Variants in HDAC9 observed in about 807,000 individuals in gnomAD.
The protein encoded by HDAC9 is MEF-2 interacting transcription repressor (MITR) protein.
HDAC9 carries 41 observed loss-of-function variants against 139.4 expected under a neutral mutation model. The observed-to-expected ratio is 0.29, with a 90% CI of 0.23 to 0.38. HDAC9 has a LOEUF of 0.38. HDAC9 is among the 10% of genes least tolerant of loss of function. The probability of loss-of-function intolerance (pLI) is 1.00; values close to 1 mark genes in which losing one functional copy is unlikely to be tolerated. For synonymous variants in HDAC9, 517 were observed against 476.2 expected (o/e 1.09, Z -1.12); for missense variants, 1,147 against 1,297.0 (o/e 0.88, Z 1.78).
intron 13 of HDAC9, 51 bp downstream of exon 13, chr7:18,727,808 TTGTAGGATTAACC>T: frequency 7.5e-7 from 1 of 1,339,360 alleles, no homozygotes; most frequent in African/African-American, 1.5e-5. Context: ...TGCCCCGTTC[TTGTAGGATTAACC>T]GATTTAAATG....
chr7:18,251,530 GA>G (rs1732633173), intron 2 of HDAC9, among the ~76,000 whole-genome samples: 2 of 152,028 alleles, frequency 1.3e-5, no homozygotes, highest in African/African-American at 2.4e-5. Context: ...AATATTGAAG[GA>G]AAAAAATACA....
chr7:18,677,845 G>A (rs1781621606), intron 12 of HDAC9, among the ~76,000 whole-genome samples: 1 of 151,852 alleles, frequency 6.6e-6, no homozygotes, highest in African/African-American at 2.4e-5. Context: ...ACTAACACTA[G>A]CACTTGATGT....
intron 12 of HDAC9, among the ~76,000 whole-genome samples, chr7:18,691,135 AATT>A (rs1411273304): frequency 3.9e-5 from 6 of 152,042 alleles, no homozygotes; most frequent in African/African-American, 1.4e-4. Flanking sequence ...AAACCCATCT[AATT>A]AATGATGAAG....
At chr7:18,158,212 A>C (rs1312051082) in intron 1 of HDAC9, among the ~76,000 whole-genome samples, 1 of 152,204 alleles carries the variant, frequency 6.6e-6, no homozygotes, top group Admixed American at 6.5e-5. Flanking sequence ...TAATAAGCTC[A>C]GAGTATAGTT....
At chr7:18,673,480 C>T (rs1795779568) in intron 12 of HDAC9, among the ~76,000 whole-genome samples, 1 of 151,846 alleles carries the variant, frequency 6.6e-6, no homozygotes, top group Non-Finnish European at 1.5e-5. Context: ...AGATATAGTA[C>T]AAAAAGTTTA....
chr7:18,933,946 G>T (rs1781438337), intron 22 of HDAC9, among the ~76,000 whole-genome samples: 1 of 152,064 alleles, frequency 6.6e-6, no homozygotes, highest in African/African-American at 2.4e-5. Context: ...CTGGAAGACA[G>T]CTCTGATTCA....
intron 22 of HDAC9, among the ~76,000 whole-genome samples, chr7:18,928,221 T>A (rs747954296): frequency 1.3e-5 from 2 of 152,220 alleles, no homozygotes; most frequent in Non-Finnish European, 2.9e-5. Context: ...AGACTTCCAA[T>A]TCCATTTGCA....
intron 2 of HDAC9, among the ~76,000 whole-genome samples, chr7:18,263,973 A>G (rs1021625306): frequency 6.6e-6 from 1 of 152,200 alleles, no homozygotes; most frequent in Non-Finnish European, 1.5e-5. Flanking sequence ...AAAAAAGGAC[A>G]TGTTGCAATG....
rs1554349515 is a variant in HDAC9, at chr7:18,767,122, GT to G, written c.2188del (p.Ser730ProfsTer44). ...RILLGDDSQK[F>X]FSSLPCGGLG... ...ACTGTATAGGTGATGACTCTCAAAA[GT>G]TTTTTTCCTCATTACCTTGTGGTGG... On this transcript the variant is annotated frameshift_variant, in exon 16 of 26. Transcript: ENST00000686413. LOFTEE classifies it high-confidence loss of function. 3.2e-6 allele frequency: 5 copies of G among 1,572,850 alleles called. No individual in the cohort carries two copies. The highest frequency in any genetic ancestry group is 1.8e-5 in the Admixed American group (1 of 56,232).
At chr7:18,694,546 C>T (rs760210958) in intron 12 of HDAC9, among the ~76,000 whole-genome samples, 4 of 152,164 alleles carry the variant, frequency 2.6e-5, no homozygotes, top group Non-Finnish European at 5.9e-5. Flanking sequence ...TGACGCAGGG[C>T]ACCCCAATTA....
chr7:18,279,712 C>G (rs527490061), intron 2 of HDAC9, among the ~76,000 whole-genome samples: 116 of 152,190 alleles, frequency 7.6e-4, no homozygotes, highest in African/African-American at 2.6e-3. Context: ...GATCCACCCC[C>G]CTCGACCCCC....
At chr7:18,968,751 A>G (rs1288968060) in intron 24 of HDAC9, among the ~76,000 whole-genome samples, 1 of 152,050 alleles carries the variant, frequency 6.6e-6, no homozygotes, top group African/African-American at 2.4e-5. Flanking sequence ...GGAGGTCAGG[A>G]GATCGAGACC....
chr7:18,905,819 CAA>C (rs1256394351), intron 22 of HDAC9, among the ~76,000 whole-genome samples: 2 of 152,140 alleles, frequency 1.3e-5, no homozygotes, highest in Non-Finnish European at 2.9e-5. Flanking sequence ...TCTCCCTCAT[CAA>C]GTTTTATAGT....
At chr7:18,279,973 A>G (rs1463984559) in intron 2 of HDAC9, among the ~76,000 whole-genome samples, 5 of 152,244 alleles carry the variant, frequency 3.3e-5, no homozygotes, top group African/African-American at 7.2e-5. Context: ...ATGTAAAAAA[A>G]TAACTGAATT....
intron 9 of HDAC9, among the ~76,000 whole-genome samples, chr7:18,646,127 T>C (rs1787320207): frequency 6.6e-6 from 1 of 152,200 alleles, no homozygotes; most frequent in African/African-American, 2.4e-5. Context: ...CAGTTATCAC[T>C]AATTAAAAAA....
chr7:18,502,105 T>C (rs1563070211), intron 2 of HDAC9, among the ~76,000 whole-genome samples: 1 of 152,168 alleles, frequency 6.6e-6, no homozygotes, highest in Non-Finnish European at 1.5e-5. Context: ...CCAAGCATTA[T>C]GTATGTTTAT....
chr7:18,397,899 A>G (rs1031154556), intron 1 of HDAC9, among the ~76,000 whole-genome samples: 4 of 152,168 alleles, frequency 2.6e-5, no homozygotes, highest in Admixed American at 6.6e-5. Context: ...GTCACAAAGT[A>G]GCAGCCTCCC....
intron 16 of HDAC9, among the ~76,000 whole-genome samples, chr7:18,791,652 G>A (rs955039203): frequency 6.6e-6 from 1 of 152,154 alleles, no homozygotes; most frequent in Non-Finnish European, 1.5e-5. Flanking sequence ...GAAAGCACGG[G>A]TTTCTTCAGG....
At chr7:18,219,741 T>C (rs957897817) in intron 2 of HDAC9, among the ~76,000 whole-genome samples, 4 of 152,208 alleles carry the variant, frequency 2.6e-5, no homozygotes, top group Admixed American at 2.6e-4. Context: ...GCTGAACAGT[T>C]TTCTGGATTT....
Sources: gnomAD v4.1 joint callset for allele counts (sites outside exome capture counted in the v4.1 genomes callset) on GRCh38, gnomAD v4.1.1 for gene constraint, MANE v1.5 for transcripts, NCBI Gene and HGNC (gene_info 2026-07-23, HGNC 2026-07-21) for gene names.